Variants in TRAPPC9 observed in about 807,000 individuals in gnomAD.
The protein encoded by TRAPPC9 is trafficking protein particle complex subunit 9, also known as IKK2 binding protein.
A neutral mutation model predicts 124.0 loss-of-function variants in TRAPPC9; 83 were observed. That is an observed-to-expected ratio of 0.67 (90% CI 0.56 to 0.80). The LOEUF is 0.80. Among genes scored for constraint, TRAPPC9 ranks in the 30% least tolerant of loss-of-function variants. The pLI is 0.00. For synonymous variants in TRAPPC9, 638 were observed against 617.5 expected (o/e 1.03, Z -0.49); for missense variants, 1,302 against 1,508.3 (o/e 0.86, Z 2.27).
At chr8:140,146,237 T>C (rs1260109820) in intron 17 of TRAPPC9, among the ~76,000 whole-genome samples, 1 of 152,272 alleles carries the variant, frequency 6.6e-6, no homozygotes, top group Non-Finnish European at 1.5e-5. Context: ...AGATACTCAA[T>C]TCTTCTACAT....
intron 17 of TRAPPC9, among the ~76,000 whole-genome samples, chr8:140,179,979 A>G (rs2131000217): frequency 7.7e-6 from 1 of 130,450 alleles, no homozygotes; most frequent in Non-Finnish European, 1.6e-5. Flanking sequence ...TAAACAATTT[A>G]TAGTTATATC....
chr8:139,903,587 T>C (rs1831155256), intron 20 of TRAPPC9, among the ~76,000 whole-genome samples: 1 of 152,170 alleles, frequency 6.6e-6, no homozygotes, highest in Non-Finnish European at 1.5e-5. Flanking sequence ...CAGCAGACGG[T>C]CTGTGCAGGG....
At chr8:140,403,121 T>C (rs1203271532) in intron 6 of TRAPPC9, among the ~76,000 whole-genome samples, 1 of 152,168 alleles carries the variant, frequency 6.6e-6, no homozygotes, top group Non-Finnish European at 1.5e-5. Flanking sequence ...AGTTTTATTC[T>C]ATCATTAAGA....
intron 21 of TRAPPC9, among the ~76,000 whole-genome samples, chr8:139,865,910 AGCTTGG>A (rs1554661173): frequency 6.6e-6 from 1 of 152,220 alleles, no homozygotes; most frequent in Non-Finnish European, 1.5e-5. Context: ...GTCGGGGTGC[AGCTTGG>A]TTTTATACAT....
intron 21 of TRAPPC9, among the ~76,000 whole-genome samples, chr8:139,747,294 G>C (rs1818964128): frequency 6.6e-6 from 1 of 152,020 alleles, no homozygotes; most frequent in Non-Finnish European, 1.5e-5. Flanking sequence ...GATCATACAC[G>C]TGGGCACGGT....
chr8:140,128,452 A>G (rs1278045195), intron 17 of TRAPPC9, among the ~76,000 whole-genome samples: 2 of 152,264 alleles, frequency 1.3e-5, no homozygotes, highest in Non-Finnish European at 2.9e-5. Flanking sequence ...TAATGGTCTG[A>G]GGTTAATGAG....
intron 19 of TRAPPC9, among the ~76,000 whole-genome samples, chr8:139,936,718 T>C (rs1301799418): frequency 2.1e-5 from 3 of 140,392 alleles, no homozygotes; most frequent in African/African-American, 5.9e-5. Flanking sequence ...GAGTGGGGAC[T>C]GCAGTGTGGT....
At chr8:139,807,737 A>G (rs886605734) in intron 21 of TRAPPC9, among the ~76,000 whole-genome samples, 1 of 152,198 alleles carries the variant, frequency 6.6e-6, no homozygotes, top group Non-Finnish European at 1.5e-5. Flanking sequence ...CTATGAGCAC[A>G]GAGGTTGTTA....
chr8:139,921,811 G>GC (rs1331232990), intron 19 of TRAPPC9, among the ~76,000 whole-genome samples: 1 of 151,984 alleles, frequency 6.6e-6, no homozygotes, highest in East Asian at 1.9e-4. Context: ...GTGCACACCT[G>GC]CCCCCCTGCT....
intron 21 of TRAPPC9, among the ~76,000 whole-genome samples, chr8:139,858,830 G>GT (rs1159599624): frequency 1.3e-5 from 2 of 151,274 alleles, no homozygotes; most frequent in African/African-American, 4.9e-5. Context: ...ATCCGGGGGG[G>GT]GCACAGTCTG....
intron 18 of TRAPPC9, among the ~76,000 whole-genome samples, chr8:140,001,942 ATAAAT>A (rs959925195): frequency 6.6e-6 from 1 of 152,226 alleles, no homozygotes; most frequent in Non-Finnish European, 1.5e-5. Context: ...AATCAATTAA[ATAAAT>A]TAAACATATT....
intron 9 of TRAPPC9, among the ~76,000 whole-genome samples, chr8:140,313,457 C>T (rs1290666061): frequency 1.3e-5 from 2 of 152,198 alleles, no homozygotes; most frequent in African/African-American, 4.8e-5. Context: ...CACTGAGTAG[C>T]ACAGGGGAGG....
intron 17 of TRAPPC9, among the ~76,000 whole-genome samples, chr8:140,161,426 C>T (rs74727762): frequency 1.6e-5 from 2 of 127,388 alleles, no homozygotes; most frequent in Non-Finnish European, 3.4e-5. Context: ...TTTTTTTTTT[C>T]GCATTTTGGA....
intron 6 of TRAPPC9, among the ~76,000 whole-genome samples, chr8:140,398,865 C>A (rs2069168964): frequency 6.6e-6 from 1 of 152,208 alleles, no homozygotes; most frequent in Non-Finnish European, 1.5e-5. Context: ...TGTCAGAGGT[C>A]TTCACAGCAG....
At chr8:140,267,326 T>C (rs2064706726) in intron 15 of TRAPPC9, among the ~76,000 whole-genome samples, 1 of 152,230 alleles carries the variant, frequency 6.6e-6, no homozygotes. Context: ...GCAGAAATGA[T>C]GCACACACCA....
chr8:139,843,958 A>C (rs1432025593), intron 21 of TRAPPC9, among the ~76,000 whole-genome samples: 1 of 152,316 alleles, frequency 6.6e-6, no homozygotes, highest in African/African-American at 2.4e-5. Context: ...CTCACTCCCC[A>C]TACAGTGCTC....
intron 16 of TRAPPC9, among the ~76,000 whole-genome samples, chr8:140,232,577 G>A (rs529189513): frequency 2.1e-4 from 32 of 152,238 alleles, no homozygotes; most frequent in Non-Finnish European, 3.4e-4. Flanking sequence ...ATATGGAGTC[G>A]AAGCCCCGGC....
chr8:139,796,149 G>A lies in TRAPPC9; in HGVS notation c.3056-63947C>T, dbSNP rs186301774. 3.9e-3 allele frequency among the ~76,000 whole-genome samples: 592 copies of A among 151,584 alleles called. 1 individual carries two copies. The highest frequency in any genetic ancestry group is 6.8e-3 in the Middle Eastern group (2 of 294). ...GGAAGAGGAGAAGGAGGAGGAAGAGGAGGAGGAAGAGGAGGAGGAGGAGGA... is the reference window on the plus strand; with the variant it reads ...GGAAGAGGAGAAGGAGGAGGAAGAGAAGGAGGAAGAGGAGGAGGAGGAGGA... On this transcript the variant is annotated intron_variant, in intron 21 of 22. Transcript: ENST00000438773.
intron 21 of TRAPPC9, among the ~76,000 whole-genome samples, chr8:139,885,431 G>A (rs1304385216): frequency 6.6e-6 from 1 of 152,158 alleles, no homozygotes; most frequent in Non-Finnish European, 1.5e-5. Flanking sequence ...TAGTCGTGGT[G>A]AGTGGGGTGA....
Sources: allele counts gnomAD v4.1 joint callset (sites outside exome capture counted in the v4.1 genomes callset), GRCh38; gene constraint gnomAD v4.1.1; transcripts MANE v1.5; gene names NCBI Gene and HGNC (gene_info 2026-07-23, HGNC 2026-07-21).